ASIC2: variants seen among roughly 807,000 people sequenced by gnomAD.
The protein encoded by ASIC2 is acid sensing ion channel subunit 2.
A neutral mutation model predicts 57.3 loss-of-function variants in ASIC2; 25 were observed. The observed-to-expected ratio is 0.44, with a 90% confidence interval of 0.32 to 0.61. ASIC2 has a LOEUF of 0.61. Ranked by LOEUF, ASIC2 falls within the 20% of genes least tolerant of loss-of-function variation. ASIC2 has a pLI of 0.06. For missense variants in ASIC2, 641 were observed against 738.1 expected, an observed-to-expected ratio of 0.87 and a Z score of 1.52; for synonymous variants, 319 against 307.5, an observed-to-expected ratio of 1.04 and a Z score of -0.39.
intron 1 of ASIC2, among the ~76,000 whole-genome samples, chr17:33,961,822 C>T (rs1904932968): frequency 6.6e-6 from 1 of 152,274 alleles, no homozygotes; most frequent in East Asian, 1.9e-4. Flanking sequence ...GCTCAGAACC[C>T]AACATTGCTC....
chr17:33,400,763 A>T (rs1482564485), intron 1 of ASIC2, among the ~76,000 whole-genome samples: 4 of 151,838 alleles, frequency 2.6e-5, no homozygotes, highest in African/African-American at 9.7e-5. Context: ...CTTCCCTTTC[A>T]CCTGTCCTCA....
At chr17:33,956,651 A>G (rs1223725930) in intron 1 of ASIC2, among the ~76,000 whole-genome samples, 2 of 152,216 alleles carry the variant, frequency 1.3e-5, no homozygotes, top group African/African-American at 4.8e-5. Context: ...CCCCACTGTC[A>G]GAACCCCATA....
rs142296304 is a variant in ASIC2 at position 33,384,349 on chromosome 17, A to G, written c.556-272282T>C. On this transcript the variant is annotated intron_variant, in intron 1 of 9. Transcript: ENST00000359872. ...AGCCAGACATATCTCTGTTCTATAT[A>G]AGAAAGAATGCTCTAATAAGTCAGT... Among the ~76,000 whole-genome samples the G allele has an allele frequency of 5.9e-5, 9 of 152,340 alleles. No individual in the cohort carries two copies. The East Asian group carries it at 1.7e-3, about 29-fold the overall frequency.
intron 1 of ASIC2, among the ~76,000 whole-genome samples, chr17:33,831,583 TAAA>T (rs11314344): frequency 7.7e-5 from 11 of 142,602 alleles, no homozygotes; most frequent in Non-Finnish European, 1.1e-4. Context: ...TGATCTGAAG[TAAA>T]AAAAAAAAAA....
At chr17:33,717,692 G>A (rs1909265158) in intron 1 of ASIC2, among the ~76,000 whole-genome samples, 4 of 152,094 alleles carry the variant, frequency 2.6e-5, no homozygotes, top group Admixed American at 2.6e-4. Flanking sequence ...GCCACCCCCT[G>A]CCCAAGCCCC....
intron 1 of ASIC2, among the ~76,000 whole-genome samples, chr17:34,119,394 A>G (rs1036784995): frequency 1.3e-5 from 2 of 152,158 alleles, no homozygotes; most frequent in African/African-American, 4.8e-5. Flanking sequence ...TGTTAGCCTA[A>G]TTTTTATACA....
intron 1 of ASIC2, among the ~76,000 whole-genome samples, chr17:33,208,289 G>A (rs1488660645): frequency 1.3e-5 from 2 of 152,192 alleles, no homozygotes; most frequent in Non-Finnish European, 2.9e-5. Context: ...ATGATTCCAG[G>A]TGGGGTAATC....
intron 1 of ASIC2, among the ~76,000 whole-genome samples, chr17:33,380,792 C>T (rs550768650): frequency 2.6e-5 from 4 of 152,302 alleles, no homozygotes; most frequent in African/African-American, 9.6e-5. Context: ...TCTCAAGTGC[C>T]TCATAATTGC....
chr17:33,186,989 T>C (rs936246822), intron 1 of ASIC2, among the ~76,000 whole-genome samples: 4 of 152,012 alleles, frequency 2.6e-5, no homozygotes, highest in African/African-American at 9.7e-5. Context: ...AGCTCAGTGG[T>C]TGGACTGAGA....
intron 1 of ASIC2, among the ~76,000 whole-genome samples, chr17:33,803,191 T>G (rs1597882599): frequency 6.6e-6 from 1 of 152,182 alleles, no homozygotes; most frequent in African/African-American, 2.4e-5. Context: ...ACTCTACATC[T>G]CTGACCACTA....
At chr17:33,943,777 TA>T (rs1463802814) in intron 1 of ASIC2, among the ~76,000 whole-genome samples, 3 of 151,920 alleles carry the variant, frequency 2.0e-5, no homozygotes, top group African/African-American at 7.3e-5. Context: ...GGCCTTGTGC[TA>T]AATACATCAC....
At chr17:33,579,085 G>C (rs750274020) in intron 1 of ASIC2, among the ~76,000 whole-genome samples, 4 of 150,848 alleles carry the variant, frequency 2.7e-5, no homozygotes, top group Non-Finnish European at 2.9e-5. Flanking sequence ...CAGGGATTCA[G>C]ACCAGTCTGG....
chr17:33,595,593 G>T (rs1213214294), intron 1 of ASIC2, among the ~76,000 whole-genome samples: 3 of 152,206 alleles, frequency 2.0e-5, no homozygotes, highest in Non-Finnish European at 2.9e-5. Flanking sequence ...TTGTGTCACA[G>T]AGATGAGCAT....
intron 2 of ASIC2, among the ~76,000 whole-genome samples, chr17:33,102,290 A>G (rs2092214881): frequency 1.3e-5 from 2 of 152,234 alleles, no homozygotes; most frequent in East Asian, 3.8e-4. Context: ...GAAACTGGAA[A>G]ACATTTTGCC....
At chr17:33,144,035 C>T (rs551754045) in intron 1 of ASIC2, among the ~76,000 whole-genome samples, 1 of 152,106 alleles carries the variant, frequency 6.6e-6, no homozygotes, top group South Asian at 2.1e-4. Flanking sequence ...GGAACCAACT[C>T]CCCCTGGGCA....
At chr17:34,109,186 C>A (rs1911178523) in intron 1 of ASIC2, among the ~76,000 whole-genome samples, 1 of 152,018 alleles carries the variant, frequency 6.6e-6, no homozygotes, top group African/African-American at 2.4e-5. Flanking sequence ...TCTTTTCTGG[C>A]AACTTCTGTA....
chr17:33,059,747 A>G lies in ASIC2; in HGVS notation c.987+29116T>C, dbSNP rs541092743. 9.8e-5 allele frequency among the ~76,000 whole-genome samples: 15 copies of G among 152,306 alleles called. 1 individual carries two copies. Among genetic ancestry groups the G allele is most frequent in the Admixed American group, 9.8e-4 (15 of 15,300 alleles). ...GAGGAATCACCACACTGTCTTCCAC[A>G]ATGGTTGAACTAGTTTACAGTCCCA... On this transcript the variant is annotated intron_variant, in intron 3 of 9. Coordinates refer to ENST00000225823, the MANE Select transcript of ASIC2 (RefSeq NM_183377.2).
intron 1 of ASIC2, among the ~76,000 whole-genome samples, chr17:33,881,331 G>A (rs1371851080): frequency 6.6e-6 from 1 of 152,202 alleles, no homozygotes; most frequent in Admixed American, 6.5e-5. Flanking sequence ...GTCCCTGTTT[G>A]CAGATGACAT....
At chr17:33,260,400 G>C (rs1041636840) in intron 1 of ASIC2, among the ~76,000 whole-genome samples, 3 of 152,308 alleles carry the variant, frequency 2.0e-5, no homozygotes, top group Admixed American at 6.5e-5. Context: ...GGGCCAGTTG[G>C]AGCACTCAGC....
Sources: gnomAD v4.1 joint callset for allele counts (sites outside exome capture counted in the v4.1 genomes callset) on GRCh38, gnomAD v4.1.1 for gene constraint, MANE v1.5 for transcripts, NCBI Gene and HGNC (gene_info 2026-07-23, HGNC 2026-07-21) for gene names.